TAS2R1: variants seen among roughly 807,000 people sequenced by gnomAD.
The protein encoded by TAS2R1 is taste receptor type 2 member 1.
For synonymous variants in TAS2R1, 141 were observed against 134.2 expected, an observed-to-expected ratio of 1.05 and a Z score of -0.35; for missense variants, 370 against 353.4, an observed-to-expected ratio of 1.05 and a Z score of -0.38.
intron 2 of TAS2R1, among the ~76,000 whole-genome samples, chr5:9,637,540 C>G (rs986119498): frequency 6.6e-6 from 1 of 152,130 alleles, no homozygotes; most frequent in South Asian, 2.1e-4. Flanking sequence ...TTTCAGATAT[C>G]TCTTCTTCCT....
At chr5:9,898,439 T>G in the TAS2R1 span, among the ~76,000 whole-genome samples, 2 of 152,206 alleles carry the variant, frequency 1.3e-5, no homozygotes, top group East Asian at 1.9e-4. Flanking sequence ...TTTTGAGACC[T>G]TCCCTAAGCT....
the TAS2R1 span, among the ~76,000 whole-genome samples, chr5:9,873,304 C>T: frequency 2.4e-3 from 362 of 152,200 alleles, 1 homozygote; most frequent in African/African-American, 8.3e-3. Context: ...TAAAAGGCTC[C>T]CTGTAGAGTT....
chr5:9,837,969 T>C, the TAS2R1 span, among the ~76,000 whole-genome samples: 1 of 152,192 alleles, frequency 6.6e-6, no homozygotes, highest in Non-Finnish European at 1.5e-5. Context: ...GGTCTCTCTT[T>C]ACTCAAATAT....
At chr5:9,891,083 C>A in the TAS2R1 span, among the ~76,000 whole-genome samples, 1 of 152,172 alleles carries the variant, frequency 6.6e-6, no homozygotes. Flanking sequence ...AAATCTCATT[C>A]TCTCTCTAGT....
At chr5:9,894,343 G>C in the TAS2R1 span, among the ~76,000 whole-genome samples, 1 of 152,036 alleles carries the variant, frequency 6.6e-6, no homozygotes, top group Non-Finnish European at 1.5e-5. Flanking sequence ...AGTGGAGGTT[G>C]CAGTGAGCCA....
the TAS2R1 span, among the ~76,000 whole-genome samples, chr5:9,848,451 C>T: frequency 6.6e-6 from 1 of 152,106 alleles, no homozygotes; most frequent in South Asian, 2.1e-4. Context: ...ATACATTATG[C>T]CGATTTTACT....
the TAS2R1 span, among the ~76,000 whole-genome samples, chr5:9,811,976 C>T: frequency 6.6e-6 from 1 of 152,048 alleles, no homozygotes. Context: ...TCCTTCTGCC[C>T]CAAACTTCCT....
chr5:9,708,140 A>C (rs1254171923), intron 1 of TAS2R1, among the ~76,000 whole-genome samples: 1 of 152,182 alleles, frequency 6.6e-6, no homozygotes, highest in Non-Finnish European at 1.5e-5. Context: ...AAGAGGAAAA[A>C]AAGAAGGGCC....
the TAS2R1 span, among the ~76,000 whole-genome samples, chr5:9,837,517 G>A: frequency 1.3e-5 from 2 of 152,232 alleles, no homozygotes; most frequent in Non-Finnish European, 2.9e-5. Context: ...TATCAAGGAT[G>A]AATTTGCCTC....
the TAS2R1 span, among the ~76,000 whole-genome samples, chr5:9,744,755 T>G: frequency 6.6e-6 from 1 of 152,154 alleles, no homozygotes; most frequent in Non-Finnish European, 1.5e-5. Context: ...AAGCACAAAG[T>G]GTTCTTTTTT....
At chr5:9,784,450 G>T in the TAS2R1 span, among the ~76,000 whole-genome samples, 4 of 152,214 alleles carry the variant, frequency 2.6e-5, no homozygotes, top group African/African-American at 9.6e-5. Context: ...AGTGTGCCCA[G>T]CACACTGGCA....
At chr5:9,764,510 CA>C in the TAS2R1 span, among the ~76,000 whole-genome samples, 2 of 152,300 alleles carry the variant, frequency 1.3e-5, no homozygotes, top group East Asian at 3.9e-4. Context: ...CTAAGACTCA[CA>C]GTCAGTCAGC....
At chr5:9,670,092 C>CA (rs753612356) in intron 1 of TAS2R1, among the ~76,000 whole-genome samples, 12 of 151,856 alleles carry the variant, frequency 7.9e-5, no homozygotes, top group East Asian at 3.9e-4. Context: ...CACAGAAATA[C>CA]AAAAAAACCC....
the TAS2R1 span, among the ~76,000 whole-genome samples, chr5:9,839,578 A>C: frequency 6.6e-6 from 1 of 152,214 alleles, no homozygotes; most frequent in Non-Finnish European, 1.5e-5. Context: ...AAACAGGAGA[A>C]ATTGTGCTTG....
the TAS2R1 span, among the ~76,000 whole-genome samples, chr5:9,840,857 ATTTTTT>A: frequency 7.7e-4 from 102 of 132,058 alleles, no homozygotes; most frequent in African/African-American, 2.6e-3. Flanking sequence ...TTATTTATTT[ATTTTTT>A]TTTTTTTTTT....
At chr5:9,723,833 G>C in the TAS2R1 span, among the ~76,000 whole-genome samples, 1 of 152,360 alleles carries the variant, frequency 6.6e-6, no homozygotes, top group Middle Eastern at 3.4e-3. Flanking sequence ...TCTTAGTCCT[G>C]GGAGGAGCTT....
intron 2 of TAS2R1, among the ~76,000 whole-genome samples, chr5:9,635,685 A>G (rs895177525): frequency 1.3e-5 from 2 of 151,360 alleles, no homozygotes; most frequent in African/African-American, 4.8e-5. Context: ...AGAATTGTAT[A>G]TTTTATCCAT....
the TAS2R1 span, among the ~76,000 whole-genome samples, chr5:9,837,875 T>C: frequency 6.6e-6 from 1 of 152,174 alleles, no homozygotes; most frequent in South Asian, 2.1e-4. Context: ...ACCTGGTATA[T>C]AGTAGGTTCA....
At chr5:9,842,411 C>T in the TAS2R1 span, among the ~76,000 whole-genome samples, 1 of 150,468 alleles carries the variant, frequency 6.6e-6, no homozygotes, top group African/African-American at 2.4e-5. Flanking sequence ...ACCTCCACCT[C>T]CCAGGTTTAA....
Sources: allele counts gnomAD v4.1 joint callset (sites outside exome capture counted in the v4.1 genomes callset), GRCh38; gene constraint gnomAD v4.1.1; transcripts MANE v1.5; gene names NCBI Gene and HGNC (gene_info 2026-07-23, HGNC 2026-07-21).